The following HDAC9 variants were observed in gnomAD, a reference collection of about 807,000 sequenced individuals.
HDAC9 encodes MEF-2 interacting transcription repressor (MITR) protein.
Under a neutral mutation model 139.4 loss-of-function variants are expected in HDAC9, and 41 were observed. That is an observed-to-expected ratio of 0.29 (90% CI 0.23 to 0.38). The LOEUF (loss-of-function observed/expected upper bound fraction) is 0.38, where lower values mean the gene tolerates loss of function less well. HDAC9 is among the 10% of genes least tolerant of loss of function. The pLI is 1.00. For synonymous variants in HDAC9, 517 were observed against 476.2 expected, an observed-to-expected ratio of 1.09 and a Z score of -1.12; for missense variants, 1,147 against 1,297.0, an observed-to-expected ratio of 0.88 and a Z score of 1.78.
At chr7:18,171,650 C>A (rs1157031308) in intron 2 of HDAC9, among the ~76,000 whole-genome samples, 1 of 152,156 alleles carries the variant, frequency 6.6e-6, no homozygotes, top group East Asian at 1.9e-4. Context: ...GAATTTTTAG[C>A]ATGAAGGGCT....
At chr7:18,990,655 C>T (rs71524263) in intron 25 of HDAC9, among the ~76,000 whole-genome samples, 16,649 of 152,276 alleles carry the variant, frequency 0.11, 986 homozygotes, top group Middle Eastern at 0.17. Context: ...GCCTGGCTGC[C>T]GCCTTGCAGT....
chr7:18,200,148 A>C (rs2128158959), intron 2 of HDAC9, among the ~76,000 whole-genome samples: 1 of 152,352 alleles, frequency 6.6e-6, no homozygotes, highest in South Asian at 2.1e-4. Flanking sequence ...GCTGGAAATA[A>C]TGTACTTATC....
At chr7:18,493,195 A>C, upstream of HDAC9, among the ~76,000 whole-genome samples, 1 of 151,760 alleles carries the variant, frequency 6.6e-6, no homozygotes, top group Admixed American at 6.6e-5. Flanking sequence ...TTGTTGTTTG[A>C]AGGTGTAATT....
intron 17 of HDAC9, among the ~76,000 whole-genome samples, chr7:18,821,924 G>A (rs73065895): frequency 0.053 from 8,018 of 152,200 alleles, 391 homozygotes; most frequent in African/African-American, 0.13. Flanking sequence ...TTTACTATGA[G>A]AGACACAACT....
chr7:18,323,513 A>T (rs1378957122), intron 1 of HDAC9, among the ~76,000 whole-genome samples: 8 of 152,188 alleles, frequency 5.3e-5, no homozygotes, highest in Admixed American at 5.2e-4. Context: ...CTGGGGGCAC[A>T]TTAGAATCCT....
intron 11 of HDAC9, among the ~76,000 whole-genome samples, chr7:18,658,939 A>G (rs1184280206): frequency 6.6e-6 from 1 of 151,136 alleles, no homozygotes; most frequent in African/African-American, 2.4e-5. Context: ...AACTTCTGCT[A>G]TTGCCATTCC....
intron 22 of HDAC9, among the ~76,000 whole-genome samples, chr7:18,881,538 TTTTTTACTAATGAC>T (rs1347356055): frequency 1.3e-5 from 2 of 152,200 alleles, no homozygotes; most frequent in Non-Finnish European, 2.9e-5. Context: ...TTTCTTGTTC[TTTTTTACTAATGAC>T]TTTTTACTAA....
intron 17 of HDAC9, among the ~76,000 whole-genome samples, chr7:18,813,828 G>A (rs1775355087): frequency 6.6e-6 from 1 of 152,162 alleles, no homozygotes; most frequent in Non-Finnish European, 1.5e-5. Context: ...TAAAAGGCGA[G>A]AGTCTAGCTA....
chr7:18,883,952 A>C (rs7782319), intron 22 of HDAC9, among the ~76,000 whole-genome samples: 1 of 151,854 alleles, frequency 6.6e-6, no homozygotes, highest in African/African-American at 2.4e-5. Context: ...AGCTACAAAA[A>C]GGAAAAAATG....
intron 2 of HDAC9, among the ~76,000 whole-genome samples, chr7:18,252,962 T>C (rs1164629248): frequency 6.6e-6 from 1 of 152,178 alleles, no homozygotes; most frequent in Admixed American, 6.5e-5. Flanking sequence ...TATCTGTCCG[T>C]GTGTTCTCCT....
In HDAC9 at chr7:18,996,746, T is replaced by A. The variant is rs1044572701; in HGVS notation, c.*684T>A. 3 of 152,124 alleles carry A rather than the reference T, an allele frequency of 2.0e-5. No individual in the cohort carries two copies. Among genetic ancestry groups the A allele is most frequent in the Non-Finnish European group, 4.4e-5 (3 of 68,034 alleles). 9.4% of individuals were successfully genotyped at this position (152,124 alleles called of 1,614,324 possible). On this transcript the variant is annotated 3_prime_UTR_variant, in exon 26 of 26. Coordinates refer to ENST00000686413, the MANE Select transcript of HDAC9 (RefSeq NM_178425.4). ...GTTTGTAATGGTGCAATATTTTATA[T>A]CACTTTTTTTTAAACATCCCCAACA...
chr7:18,552,589 T>C (rs924166690), intron 2 of HDAC9, among the ~76,000 whole-genome samples: 2 of 152,214 alleles, frequency 1.3e-5, no homozygotes, highest in South Asian at 2.1e-4. Flanking sequence ...CGGTTTTCTT[T>C]ATTTTTCTGG....
intron 1 of HDAC9, among the ~76,000 whole-genome samples, chr7:18,415,793 T>A (rs1333471984): frequency 1.3e-5 from 2 of 152,192 alleles, no homozygotes; most frequent in Non-Finnish European, 2.9e-5. Flanking sequence ...TAACTGAGTA[T>A]CTATATATGT....
rs181612269 is a variant in HDAC9 at position 18,628,375 on chromosome 7, A to G, written c.665-975A>G. Among the ~76,000 whole-genome samples the G allele has an allele frequency of 1.6e-4, 25 of 152,228 alleles. 1 individual carries two copies. The highest frequency in any genetic ancestry group is 1.6e-3 in the Admixed American group (25 of 15,282). On this transcript the variant is annotated intron_variant, in intron 6 of 25. Transcript: ENST00000686413. Reference sequence around the variant, plus strand: ...AGGCATAGGCTTTCCAGATGTTTTTATGGTTAAACAAGTTGATATTGATAA... The same window carrying G: ...AGGCATAGGCTTTCCAGATGTTTTTGTGGTTAAACAAGTTGATATTGATAA...
chr7:18,898,006 G>T (rs532897596), intron 22 of HDAC9, among the ~76,000 whole-genome samples: 8 of 151,736 alleles, frequency 5.3e-5, no homozygotes, highest in Non-Finnish European at 1.0e-4. Context: ...GTATATGCAT[G>T]AATAGTAAAA....
At chr7:18,288,172 C>G (rs930310385), upstream of HDAC9, among the ~76,000 whole-genome samples, 1 of 152,146 alleles carries the variant, frequency 6.6e-6, no homozygotes, top group Non-Finnish European at 1.5e-5. Context: ...CAGTGCAGCT[C>G]CATCAGTGCT....
At chr7:18,518,672 T>G (rs535082141) in intron 2 of HDAC9, among the ~76,000 whole-genome samples, 1 of 152,242 alleles carries the variant, frequency 6.6e-6, no homozygotes, top group African/African-American at 2.4e-5. Flanking sequence ...CCACCTCCAT[T>G]AAAGCCGACT....
intron 24 of HDAC9, among the ~76,000 whole-genome samples, chr7:18,973,187 C>T (rs998929361): frequency 6.6e-6 from 1 of 152,072 alleles, no homozygotes; most frequent in Admixed American, 6.5e-5. Flanking sequence ...GTAGAAACAC[C>T]GAGCACAGTC....
intron 21 of HDAC9, among the ~76,000 whole-genome samples, chr7:18,857,330 T>G (rs1797758418): frequency 6.8e-6 from 1 of 147,484 alleles, no homozygotes; most frequent in Admixed American, 7.0e-5. Flanking sequence ...CAAAATATGT[T>G]TTAGTTGTGT....
Sources: allele counts gnomAD v4.1 joint callset (sites outside exome capture counted in the v4.1 genomes callset), GRCh38; gene constraint gnomAD v4.1.1; transcripts MANE v1.5; gene names NCBI Gene and HGNC (gene_info 2026-07-23, HGNC 2026-07-21).